TBC1D12: variants seen among roughly 807,000 people sequenced by gnomAD.
The protein encoded by TBC1D12 is TBC1 domain family member 12, also known as TBC1 domain family, member 12.
A neutral mutation model predicts 86.7 loss-of-function variants in TBC1D12; 56 were observed. The observed-to-expected ratio is 0.65, with a 90% CI of 0.52 to 0.81. The LOEUF is 0.81. Among genes scored for constraint, TBC1D12 ranks in the 30% least tolerant of loss-of-function variants. The probability of loss-of-function intolerance (pLI) is 0.00; values close to 1 mark genes in which losing one functional copy is unlikely to be tolerated. For missense variants in TBC1D12, 1,023 were observed against 1,038.8 expected, an observed-to-expected ratio of 0.98 and a Z score of 0.21; for synonymous variants, 421 against 411.7, an observed-to-expected ratio of 1.02 and a Z score of -0.27.
intron 9 of TBC1D12, among the ~76,000 whole-genome samples, chr10:94,520,760 C>T (rs1048138415): frequency 2.6e-5 from 4 of 151,708 alleles, no homozygotes; most frequent in East Asian, 2.0e-4. Flanking sequence ...CCCAGGTTCA[C>T]GCCATTCTCC....
At position 94,402,700 on chromosome 10, in the gene TBC1D12, C is replaced by T; in HGVS notation, c.87C>T (p.Asp29=). 2 of 1,596,916 alleles carry T rather than the reference C, an allele frequency of 1.3e-6. No homozygotes were observed. Among genetic ancestry groups the T allele is most frequent in the South Asian group, 1.1e-5 (1 of 88,928 alleles). ...CTGCGCCGGACCCCGTGGGCCAGGA[C>T]AGGAAGGTAATCCGGGCCACGGGCG... is the stretch of plus-strand genomic sequence containing the variant. ...PVPAPDPVGQ[D]RKVIRATGGF... Residue 29 remains aspartate (D), a synonymous_variant, in exon 1 of 13, where the codon GAC becomes GAT. Transcript: ENST00000225235.
At position 94,433,244 on chromosome 10, in the gene TBC1D12, G is replaced by A. The variant is rs199969804; in HGVS notation, c.972-8652G>A. 5.3e-5 allele frequency among the ~76,000 whole-genome samples: 8 copies of A among 152,162 alleles called. No homozygotes were observed. The East Asian group carries it at 1.4e-3, about 26-fold the overall frequency. On this transcript the variant is annotated intron_variant, in intron 1 of 12. Transcript: ENST00000225235. Reference sequence around the variant, plus strand: ...AGCGATTCTCCTGCCCCAGCCTCCCGAGGAGCTGGGATTACAGGTGCGTGC... The same window carrying A: ...AGCGATTCTCCTGCCCCAGCCTCCCAAGGAGCTGGGATTACAGGTGCGTGC...
intron 6 of TBC1D12, among the ~76,000 whole-genome samples, chr10:94,506,560 T>A (rs370335554): frequency 6.6e-6 from 1 of 152,130 alleles, no homozygotes; most frequent in East Asian, 1.9e-4. Context: ...ACCAAAAAAA[T>A]TTGGGAATTG....
intron 11 of TBC1D12, among the ~76,000 whole-genome samples, chr10:94,526,573 T>G (rs984839804): frequency 5.9e-5 from 9 of 152,242 alleles, no homozygotes; most frequent in Admixed American, 2.6e-4. Context: ...TTTCATTCTT[T>G]TTTGTGGCTT....
intron 2 of TBC1D12, among the ~76,000 whole-genome samples, chr10:94,471,889 G>A (rs572965818): frequency 1.3e-5 from 2 of 152,218 alleles, no homozygotes; most frequent in African/African-American, 4.8e-5. Context: ...CCACAATATT[G>A]GAGAACACAA....
At chr10:94,509,938 G>C in intron 7 of TBC1D12, 153 bp from the exon 8 acceptor site, 1 of 598,670 alleles carries the variant, frequency 1.7e-6, no homozygotes, top group South Asian at 2.1e-5. Flanking sequence ...AGAATAACAA[G>C]TTCTAACAAA....
intron 1 of TBC1D12, among the ~76,000 whole-genome samples, chr10:94,406,208 G>C (rs2054851982): frequency 6.6e-6 from 1 of 152,096 alleles, no homozygotes; most frequent in Admixed American, 6.5e-5. Context: ...CAGGAATTTT[G>C]ATTTAATTTG....
In TBC1D12 at chr10:94,490,260, G is replaced by GA. The variant is rs112917155; in HGVS notation, c.1212-3094dup. On this transcript the variant is annotated intron_variant, in intron 3 of 12. Transcript: ENST00000225235. Reference sequence around the variant, plus strand: ...ACAAGAGTGAAACTCTGTTTCAAAAGAAAAAAAAAAAGAAATATTGCAAGA... The same window carrying GA: ...ACAAGAGTGAAACTCTGTTTCAAAAGAAAAAAAAAAAAGAAATATTGCAAGA... Among the ~76,000 whole-genome samples the GA allele has an allele frequency of 7.9e-3, 1,046 of 132,634 alleles. 49 individuals carry two copies. The highest frequency in any genetic ancestry group is 0.07 in the Admixed American group (927 of 13,272). The allele number at this position is 132,634 out of a possible 152,430, so 87.0% of individuals were successfully genotyped here.
At chr10:94,430,234 A>G (rs556843663) in intron 1 of TBC1D12, among the ~76,000 whole-genome samples, 94 of 152,276 alleles carry the variant, frequency 6.2e-4, no homozygotes, top group South Asian at 4.1e-3. Context: ...AATTTATCCA[A>G]TGAGTCTAAA....
At chr10:94,413,916 A>G (rs1319316523) in intron 1 of TBC1D12, among the ~76,000 whole-genome samples, 1 of 152,208 alleles carries the variant, frequency 6.6e-6, no homozygotes, top group Non-Finnish European at 1.5e-5. Context: ...GTAATGTACA[A>G]CTACCCATCA....
At chr10:94,447,057 CAAAAAAA>C (rs35395527) in intron 2 of TBC1D12, among the ~76,000 whole-genome samples, 8 of 100,474 alleles carry the variant, frequency 8.0e-5, no homozygotes, top group African/African-American at 3.0e-4. Flanking sequence ...TGAGCTGTTT[CAAAAAAA>C]AAAAAAAAAA....
intron 11 of TBC1D12, among the ~76,000 whole-genome samples, chr10:94,528,329 G>A (rs1842348036): frequency 6.6e-6 from 1 of 151,898 alleles, no homozygotes. Context: ...TATTATTTTT[G>A]TACCTATTAT....
chr10:94,417,986 C>T (rs896214469), intron 1 of TBC1D12, among the ~76,000 whole-genome samples: 15 of 152,054 alleles, frequency 9.9e-5, no homozygotes, highest in Admixed American at 9.2e-4. Flanking sequence ...GATCTCCTGA[C>T]CTCGTGATCC....
At position 94,531,862 on chromosome 10, in the gene TBC1D12, A is replaced by ATATGTTATGTTATGTTATGTTATGT. The variant is rs71031585; in HGVS notation, c.2259+426_2259+450dup. ...ATTTTATTTTATGTTATTTTATTTT[A>ATATGTTATGTTATGTTATGTTATGT]TATGTTATGTTATGTTATGTTATGT... On this transcript the variant is annotated intron_variant, in intron 12 of 12. Coordinates refer to ENST00000225235, the MANE Select transcript of TBC1D12 (RefSeq NM_015188.2). 1.4e-3 allele frequency among the ~76,000 whole-genome samples: 114 copies of ATATGTTATGTTATGTTATGTTATGT among 83,298 alleles called. 3 individuals are homozygous for ATATGTTATGTTATGTTATGTTATGT. The highest frequency in any genetic ancestry group is 1.6e-3 in the South Asian group (4 of 2,462). 54.6% of individuals were successfully genotyped at this position (83,298 alleles called of 152,430 possible). A position where few individuals can be genotyped will look rare whatever the true frequency, so the allele number is the denominator to read the frequency against.
At chr10:94,422,167 T>C (rs1450537729) in intron 1 of TBC1D12, among the ~76,000 whole-genome samples, 1 of 151,394 alleles carries the variant, frequency 6.6e-6, no homozygotes, top group Non-Finnish European at 1.5e-5. Context: ...GTTTAGCTGA[T>C]ATCTTAGGGT....
chr10:94,445,131 C>T (rs1029725435), intron 2 of TBC1D12, among the ~76,000 whole-genome samples: 1 of 145,682 alleles, frequency 6.9e-6, no homozygotes, highest in African/African-American at 2.5e-5. Context: ...GAGGCTGTGG[C>T]GGGCAGATCA....
At chr10:94,422,620 G>A (rs1422233562) in intron 1 of TBC1D12, among the ~76,000 whole-genome samples, 2 of 152,208 alleles carry the variant, frequency 1.3e-5, no homozygotes, top group Non-Finnish European at 1.5e-5. Flanking sequence ...CCATAGCCAG[G>A]CTGGAGTGCA....
intron 2 of TBC1D12, among the ~76,000 whole-genome samples, chr10:94,459,273 T>G (rs946331720): frequency 6.6e-6 from 1 of 152,100 alleles, no homozygotes; most frequent in Non-Finnish European, 1.5e-5. Flanking sequence ...GAGCAGTGAT[T>G]GGTGCATTTA....
chr10:94,467,762 C>G (rs1294074429), intron 2 of TBC1D12, among the ~76,000 whole-genome samples: 2 of 152,136 alleles, frequency 1.3e-5, no homozygotes, highest in East Asian at 1.9e-4. Context: ...GACAGGGTCT[C>G]TATTGCCCAG....
Sources: allele counts gnomAD v4.1 joint callset (sites outside exome capture counted in the v4.1 genomes callset), GRCh38; gene constraint gnomAD v4.1.1; transcripts MANE v1.5; gene names NCBI Gene and HGNC (gene_info 2026-07-23, HGNC 2026-07-21).